FBXO32: variants seen among roughly 807,000 people sequenced by gnomAD.
FBXO32 encodes the protein F-box only protein 32.
In FBXO32, 15 loss-of-function variants were observed where a neutral mutation model predicts 48.3. The observed-to-expected ratio is 0.31, with a 90% CI of 0.21 to 0.48. FBXO32 has a LOEUF of 0.48. FBXO32 is among the 20% of genes least tolerant of loss of function. FBXO32 has a pLI of 0.99. For missense variants in FBXO32, 309 were observed against 432.7 expected (o/e 0.71, Z 2.54); for synonymous variants, 154 against 165.9 (o/e 0.93, Z 0.55).
chr8:123,533,762 T>G (rs568163357), intron 2 of FBXO32, among the ~76,000 whole-genome samples: 2 of 151,060 alleles, frequency 1.3e-5, no homozygotes, highest in South Asian at 4.2e-4. Flanking sequence ...GAGCCAAGAT[T>G]GTGCCACTGC....
chr8:123,530,180 G>C (rs111736914), intron 4 of FBXO32, among the ~76,000 whole-genome samples: 1 of 152,122 alleles, frequency 6.6e-6, no homozygotes, highest in Non-Finnish European at 1.5e-5. Flanking sequence ...TGCTCATGTG[G>C]TCACAGGCTC....
chr8:123,506,679 G>A lies in FBXO32; in HGVS notation c.652-105C>T. The A allele has an allele frequency of 1.0e-6, 1 of 961,806 alleles. No homozygotes were observed. Among genetic ancestry groups the A allele is most frequent in the Non-Finnish European group, 1.6e-6 (1 of 639,698 alleles). The allele number at this position is 961,806 out of a possible 1,614,324, so 59.6% of individuals were successfully genotyped here. A position where few individuals can be genotyped will look rare whatever the true frequency, so the allele number is the denominator to read the frequency against. ...GTGCCCGTCCTCCACCCTCAAGGCAGTTTATTGATAAGAGGTCGAAAGCAG... is the reference window on the plus strand; with the variant it reads ...GTGCCCGTCCTCCACCCTCAAGGCAATTTATTGATAAGAGGTCGAAAGCAG... On this transcript the variant is annotated intron_variant, in intron 6 of 8. Coordinates refer to ENST00000517956, the MANE Select transcript of FBXO32 (RefSeq NM_058229.4). This position sits in a 1 kb window ranked among gnomAD's most constrained non-coding sequence, Gnocchi z 4.0.
intron 6 of FBXO32, among the ~76,000 whole-genome samples, chr8:123,508,601 C>T (rs973068024): frequency 2.6e-5 from 4 of 152,208 alleles, no homozygotes; most frequent in African/African-American, 7.2e-5. Context: ...GGTTCTACCC[C>T]AGGCTGCTGG....
chr8:123,503,113 C>T lies in FBXO32; in HGVS notation c.*260G>A, dbSNP rs764930255. ...GAAATAGAATTATTGCCCTTATAGTCTTGCTGGCAAATTGTTAGAAAAAAA... is the reference window on the plus strand; with the variant it reads ...GAAATAGAATTATTGCCCTTATAGTTTTGCTGGCAAATTGTTAGAAAAAAA... On this transcript the variant is annotated 3_prime_UTR_variant, in exon 9 of 9. Coordinates refer to ENST00000517956, the MANE Select transcript of FBXO32 (RefSeq NM_058229.4). 5 of 311,042 alleles carry T rather than the reference C, an allele frequency of 1.6e-5. No homozygotes were observed. Among genetic ancestry groups the T allele is most frequent in the Non-Finnish European group, 2.4e-5 (4 of 167,392 alleles). The allele number at this position is 311,042 out of a possible 1,614,324, so 19.3% of individuals were successfully genotyped here. A position where few individuals can be genotyped will look rare whatever the true frequency, so the allele number is the denominator to read the frequency against.
intron 1 of FBXO32, among the ~76,000 whole-genome samples, chr8:123,538,738 A>G (rs1031448284): frequency 6.6e-6 from 1 of 152,232 alleles, no homozygotes; most frequent in African/African-American, 2.4e-5. Flanking sequence ...GGTGGTCAGT[A>G]TATCAATGAC....
At position 123,513,417 on chromosome 8, in the gene FBXO32, G is replaced by C; in HGVS notation, c.467-35C>G. ...GGAAGAAAAAAATAATTAAAGTTAT[G>C]ATACTGGAACACCCTGTATTTTACA... On this transcript the variant is annotated intron_variant, in intron 5 of 8. Transcript: ENST00000517956. This position sits in a 1 kb window ranked among gnomAD's most constrained non-coding sequence, Gnocchi z 4.3. 1 of 1,559,954 alleles carries C rather than the reference G, an allele frequency of 6.4e-7. No homozygotes were observed. The highest frequency in any genetic ancestry group is 8.8e-7 in the Non-Finnish European group (1 of 1,136,684).
Position 123,513,884 on chromosome 8 carries a change from G to A in FBXO32, c.466+356C>T, listed in dbSNP as rs1485291807. Among the ~76,000 whole-genome samples the A allele has an allele frequency of 6.6e-6, 1 of 152,178 alleles. No individual in the cohort carries two copies. Among genetic ancestry groups the A allele is most frequent in the Non-Finnish European group, 1.5e-5 (1 of 68,026 alleles). ...CCTAAGGTTCCTTCTAGCTCGAATA[G>A]TCTACGAATCTATTCTGACTTTGTA... On this transcript the variant is annotated intron_variant, in intron 5 of 8. Coordinates refer to ENST00000517956, the MANE Select transcript of FBXO32 (RefSeq NM_058229.4). This position sits in a 1 kb window ranked among gnomAD's most constrained non-coding sequence, Gnocchi z 4.3.
In FBXO32 at chr8:123,501,197, A is replaced by G. The variant is rs1016338716; in HGVS notation, c.*2176T>C. ...AATCTAAAAATGTCACTAAGAGTCA[A>G]AAGTTCCAGAGCTCTCTCAGTGATG... On this transcript the variant is annotated 3_prime_UTR_variant, in exon 9 of 9. Transcript: ENST00000517956. 1.3e-5 allele frequency: 2 copies of G among 152,192 alleles called. No individual in the cohort carries two copies. Among genetic ancestry groups the G allele is most frequent in the African/African-American group, 2.4e-5 (1 of 41,454 alleles). 9.4% of individuals were successfully genotyped at this position (152,192 alleles called of 1,614,324 possible).
intron 2 of FBXO32, among the ~76,000 whole-genome samples, chr8:123,533,587 C>A (rs989374424): frequency 6.6e-6 from 1 of 152,138 alleles, no homozygotes. Context: ...GCAGGCGGAT[C>A]ACTAGAGGTC....
In FBXO32 at chr8:123,499,976, C is replaced by T. The variant is rs1816448092; in HGVS notation, c.*3397G>A. The T allele has an allele frequency of 1.3e-5, 2 of 152,224 alleles. No homozygotes were observed. 9.4% of individuals were successfully genotyped at this position (152,224 alleles called of 1,614,324 possible). A position where few individuals can be genotyped will look rare whatever the true frequency, so the allele number is the denominator to read the frequency against. On this transcript the variant is annotated 3_prime_UTR_variant, in exon 9 of 9. Coordinates refer to ENST00000517956, the MANE Select transcript of FBXO32 (RefSeq NM_058229.4). ...TCTTCCAAGCCACTTCAATGTAAAC[C>T]TGATCATCATTAAACAAAAATCATC...
intron 4 of FBXO32, among the ~76,000 whole-genome samples, chr8:123,518,044 G>A (rs1816874917): frequency 6.6e-6 from 1 of 152,206 alleles, no homozygotes; most frequent in South Asian, 2.1e-4. Flanking sequence ...GTGTAAATGA[G>A]TGGGCATGGG....
Position 123,521,330 on chromosome 8 carries a change from G to A in FBXO32, c.373-6997C>T, listed in dbSNP as rs115664043. Among the ~76,000 whole-genome samples the A allele has an allele frequency of 7.9e-3, 1,198 of 152,256 alleles. 9 individuals are homozygous for A. The highest frequency in any genetic ancestry group is 0.026 in the African/African-American group (1,072 of 41,554). On this transcript the variant is annotated intron_variant, in intron 4 of 8. Coordinates refer to ENST00000517956, the MANE Select transcript of FBXO32 (RefSeq NM_058229.4). ...AAGGGACTCAGGAAACAGTTTACCC[G>A]AATTTCCTCCTGCTATAGATGAGGT...
rs1817381174 is a variant in FBXO32, at chr8:123,540,048, G to A, written c.116+851C>T. ...GCCAAGCTGAGCAGGGAGCGCAGCGGACCTCAGGTTTCCCGCCAGACCACA... is the reference window on the plus strand; with the variant it reads ...GCCAAGCTGAGCAGGGAGCGCAGCGAACCTCAGGTTTCCCGCCAGACCACA... On this transcript the variant is annotated intron_variant, in intron 1 of 8. Coordinates refer to ENST00000517956, the MANE Select transcript of FBXO32 (RefSeq NM_058229.4). This position sits in a 1 kb window ranked among gnomAD's most constrained non-coding sequence, Gnocchi z 6.4. Among the ~76,000 whole-genome samples the A allele has an allele frequency of 1.3e-5, 2 of 152,198 alleles. No individual in the cohort carries two copies. Among genetic ancestry groups the A allele is most frequent in the South Asian group, 4.1e-4 (2 of 4,836 alleles).
At chr8:123,531,544 G>A (rs1168508399) in intron 4 of FBXO32, among the ~76,000 whole-genome samples, 2 of 152,206 alleles carry the variant, frequency 1.3e-5, no homozygotes, top group African/African-American at 4.8e-5. Flanking sequence ...TCTTGCTAAG[G>A]CTGTTGCCAG....
rs979574432 is a variant in FBXO32 at position 123,511,489 on chromosome 8, T to A, written c.651+1709A>T. 4.6e-5 allele frequency among the ~76,000 whole-genome samples: 7 copies of A among 151,692 alleles called. No individual in the cohort carries two copies. In the East Asian group the frequency reaches 7.7e-4, roughly 17 times the overall value. On this transcript the variant is annotated intron_variant, in intron 6 of 8. Coordinates refer to ENST00000517956, the MANE Select transcript of FBXO32 (RefSeq NM_058229.4). ...CATCTAGAGGTTTTTTGTTTTTTTT[T>A]TTTTTCCTTGAGATGGAGTCTCAGT...
chr8:123,533,872 C>T (rs956582627), intron 2 of FBXO32, among the ~76,000 whole-genome samples: 10 of 151,830 alleles, frequency 6.6e-5, no homozygotes, highest in Non-Finnish European at 7.4e-5. Context: ...CGGGGTAGAT[C>T]GCTTGAGCCC....
chr8:123,504,475 C>T, intron 8 of FBXO32, 129 bp downstream of exon 8: 1 of 288,330 alleles, frequency 3.5e-6, no homozygotes, highest in Non-Finnish European at 6.5e-6. Flanking sequence ...AATCAGTTTA[C>T]CCTCACTTTC....
Position 123,504,677 on chromosome 8 carries a change from C to G in FBXO32, c.905G>C (p.Arg302Pro), listed in dbSNP as rs150551215. The G allele has an allele frequency of 1.2e-6, 2 of 1,614,008 alleles. No individual in the cohort carries two copies. The highest frequency in any genetic ancestry group is 1.7e-6 in the Non-Finnish European group (2 of 1,179,966). Residue 302 changes from arginine to proline, a missense_variant, in exon 8 of 9, where the codon CGA becomes CCA. Physicochemically the swap from Arg to Pro is moderately radical, Grantham distance 103. Transcript: ENST00000517956. ...ATACTGCTCTTTCCTTGGGTAACAT[C>G]GGACAAGTTTGAAATACATCTTCTT... ...DWKKMYFKLV[R>P]CYPRKEQYGD...
At chr8:123,511,651 T>A (rs1004483336) in intron 6 of FBXO32, among the ~76,000 whole-genome samples, 2 of 151,968 alleles carry the variant, frequency 1.3e-5, no homozygotes, top group Admixed American at 1.3e-4. Flanking sequence ...AATTTTTGTA[T>A]GTTTAGTAGA....
Sources: allele counts gnomAD v4.1 joint callset (sites outside exome capture counted in the v4.1 genomes callset), GRCh38; gene constraint gnomAD v4.1.1; non-coding constraint Gnocchi (gnomAD v3.1); transcripts MANE v1.5; gene names NCBI Gene and HGNC (gene_info 2026-07-23, HGNC 2026-07-21).